The following FGGY variants were observed in gnomAD, a reference collection of about 807,000 sequenced individuals.
FGGY encodes FGGY carbohydrate kinase domain containing, also known as FGGY carbohydrate kinase domain-containing protein.
In FGGY, 72 loss-of-function variants were observed where a neutral mutation model predicts 71.3. The observed-to-expected ratio is 1.01, with a 90% CI of 0.84 to 1.23. The LOEUF (loss-of-function observed/expected upper bound fraction) is 1.23. Among genes scored for constraint, FGGY ranks in the 50% most tolerant of loss-of-function variants. The pLI, the probability that FGGY is intolerant of heterozygous loss-of-function variation, is 0.00. For missense variants in FGGY, 668 were observed against 682.3 expected, an observed-to-expected ratio of 0.98 and a Z score of 0.23; for synonymous variants, 251 against 250.3, an observed-to-expected ratio of 1.00 and a Z score of -0.02.
chr1:59,566,566 A>G (rs2095875793), intron 8 of FGGY, among the ~76,000 whole-genome samples: 1 of 152,110 alleles, frequency 6.6e-6, no homozygotes, highest in African/African-American at 2.4e-5. Context: ...CACTGAAGGA[A>G]TGAAATTGAA....
chr1:59,342,594 T>A (rs893720621), intron 3 of FGGY, among the ~76,000 whole-genome samples: 1 of 152,182 alleles, frequency 6.6e-6, no homozygotes, highest in Non-Finnish European at 1.5e-5. Flanking sequence ...TAAGGTTAGA[T>A]CTTTTATCTG....
chr1:59,343,736 A>G (rs182955405), intron 3 of FGGY, among the ~76,000 whole-genome samples: 7 of 151,450 alleles, frequency 4.6e-5, no homozygotes, highest in African/African-American at 1.7e-4. Flanking sequence ...GTTTTTATCT[A>G]AAACGAAAAT....
chr1:59,721,773 TTGGAATGCAATGTA>T (rs1163903707), intron 14 of FGGY, among the ~76,000 whole-genome samples: 1 of 152,246 alleles, frequency 6.6e-6, no homozygotes, highest in Non-Finnish European at 1.5e-5. Flanking sequence ...GTTCACCAGT[TTGGAATGCAATGTA>T]TTTTTAAACA....
chr1:59,478,965 T>G (rs948531668), intron 6 of FGGY, among the ~76,000 whole-genome samples: 12 of 152,208 alleles, frequency 7.9e-5, no homozygotes, highest in African/African-American at 2.9e-4. Context: ...TCGGGGACCT[T>G]AGTGAAAGTC....
chr1:59,727,201 G>A (rs1347086887), intron 14 of FGGY, among the ~76,000 whole-genome samples: 3 of 152,226 alleles, frequency 2.0e-5, no homozygotes, highest in Middle Eastern at 3.4e-3. Context: ...CTACCTCCAC[G>A]TTGTTGAAAA....
chr1:59,702,152 G>C (rs998775281), intron 14 of FGGY, among the ~76,000 whole-genome samples: 2 of 151,618 alleles, frequency 1.3e-5, no homozygotes, highest in African/African-American at 4.9e-5. Context: ...CATGAGAACA[G>C]CATGGTGGAA....
chr1:59,539,001 TAAAATA>T (rs1256768435), intron 7 of FGGY, among the ~76,000 whole-genome samples: 1 of 151,546 alleles, frequency 6.6e-6, no homozygotes, highest in Non-Finnish European at 1.5e-5. Context: ...ATAATAATAA[TAAAATA>T]AATAAAAATG....
At chr1:59,753,917 C>A (rs1431238747) in intron 14 of FGGY, among the ~76,000 whole-genome samples, 1 of 152,060 alleles carries the variant, frequency 6.6e-6, no homozygotes, top group African/African-American at 2.4e-5. Flanking sequence ...GATAATATAA[C>A]CTTTATGGTC....
At chr1:59,454,363 A>G (rs142520080) in intron 5 of FGGY, among the ~76,000 whole-genome samples, 25 of 152,302 alleles carry the variant, frequency 1.6e-4, no homozygotes, top group African/African-American at 6.0e-4. Context: ...AGGAGTTAGC[A>G]TATTGTATAC....
chr1:59,380,718 A>G (rs2059315692), intron 5 of FGGY, among the ~76,000 whole-genome samples: 1 of 151,542 alleles, frequency 6.6e-6, no homozygotes, highest in Admixed American at 6.6e-5. Context: ...GTAGATTGCA[A>G]AAATTTTCTC....
intron 14 of FGGY, among the ~76,000 whole-genome samples, chr1:59,718,291 T>A (rs2097859437): frequency 6.6e-6 from 1 of 152,136 alleles, no homozygotes; most frequent in Non-Finnish European, 1.5e-5. Context: ...ACCATAAACC[T>A]CCTCCTGTTT....
intron 4 of FGGY, among the ~76,000 whole-genome samples, chr1:59,348,264 T>A (rs1253102532): frequency 3.9e-5 from 6 of 152,176 alleles, no homozygotes; most frequent in African/African-American, 1.4e-4. Flanking sequence ...TGACCAGAGC[T>A]TTGCTGTTCT....
At chr1:59,645,092 C>T (rs2097079733) in intron 11 of FGGY, among the ~76,000 whole-genome samples, 1 of 152,130 alleles carries the variant, frequency 6.6e-6, no homozygotes. Flanking sequence ...GTTTTTACCA[C>T]TGCAAAGCAG....
chr1:59,656,321 A>G (rs1177162315), intron 11 of FGGY, among the ~76,000 whole-genome samples: 1 of 152,118 alleles, frequency 6.6e-6, no homozygotes, highest in African/African-American at 2.4e-5. Flanking sequence ...CATCTGGCCT[A>G]TCCTAGCCTT....
At chr1:59,561,735 G>A (rs1485709582) in intron 8 of FGGY, among the ~76,000 whole-genome samples, 1 of 152,158 alleles carries the variant, frequency 6.6e-6, no homozygotes, top group Non-Finnish European at 1.5e-5. Flanking sequence ...GGCAAAGAGT[G>A]GTTAAGTGGG....
At chr1:59,741,310 C>T (rs2098144886) in intron 14 of FGGY, among the ~76,000 whole-genome samples, 1 of 152,040 alleles carries the variant, frequency 6.6e-6, no homozygotes, top group African/African-American at 2.4e-5. Flanking sequence ...TTAGCACCAT[C>T]CCCCCATTGG....
chr1:59,581,255 A>AT (rs2096189447), intron 8 of FGGY, among the ~76,000 whole-genome samples: 1 of 149,978 alleles, frequency 6.7e-6, no homozygotes, highest in Admixed American at 6.6e-5. Context: ...ATTCTTTCCT[A>AT]TTTTTATTCC....
intron 2 of FGGY, among the ~76,000 whole-genome samples, chr1:59,337,171 C>A (rs959887303): frequency 1.3e-5 from 2 of 151,668 alleles, no homozygotes; most frequent in Non-Finnish European, 2.9e-5. Context: ...TGGCTCAGTT[C>A]AAGTCCAAAA....
intron 14 of FGGY, among the ~76,000 whole-genome samples, chr1:59,698,231 T>C (rs947930296): frequency 1.3e-5 from 2 of 152,176 alleles, no homozygotes; most frequent in Non-Finnish European, 1.5e-5. Flanking sequence ...AGAAAGATAA[T>C]TTATTGATAA....
Sources: gnomAD v4.1 joint callset for allele counts (sites outside exome capture counted in the v4.1 genomes callset) on GRCh38, gnomAD v4.1.1 for gene constraint, MANE v1.5 for transcripts, NCBI Gene and HGNC (gene_info 2026-07-23, HGNC 2026-07-21) for gene names.